Variants in RUNX1 observed in about 807,000 individuals in gnomAD.
RUNX1 encodes runt-related transcription factor 1.
Under a neutral mutation model 42.8 loss-of-function variants are expected in RUNX1, and 19 were observed. That is an observed-to-expected ratio of 0.44 (90% CI 0.31 to 0.65). RUNX1 has a LOEUF of 0.65. Ranked by LOEUF, RUNX1 falls within the 30% of genes least tolerant of loss-of-function variation. RUNX1 has a pLI of 0.07. For missense variants in RUNX1, 528 were observed against 672.0 expected (o/e 0.79, Z 2.37); for synonymous variants, 271 against 289.4 (o/e 0.94, Z 0.64).
chr21:34,928,666 T>G (rs7282509), intron 2 of RUNX1, among the ~76,000 whole-genome samples: 1 of 149,752 alleles, frequency 6.7e-6, no homozygotes, highest in East Asian at 2.0e-4. Flanking sequence ...GGCGACAGAG[T>G]GCGACTCCAT....
At chr21:34,969,940 A>T (rs2058750571) in intron 2 of RUNX1, among the ~76,000 whole-genome samples, 1 of 152,200 alleles carries the variant, frequency 6.6e-6, no homozygotes, top group Admixed American at 6.5e-5. Flanking sequence ...TATGGATCAT[A>T]TCTGTTCTGG....
chr21:34,832,928 C>T (rs1409277588), intron 7 of RUNX1: 1 of 152,130 alleles, frequency 6.6e-6, no homozygotes, highest in African/African-American at 2.4e-5. Flanking sequence ...AGGGTTACTC[C>T]ACAGACAGGC....
intron 2 of RUNX1, among the ~76,000 whole-genome samples, chr21:34,951,190 C>T (rs547564590): frequency 6.6e-6 from 1 of 152,156 alleles, no homozygotes; most frequent in South Asian, 2.1e-4. Context: ...TGAAGCCACA[C>T]CATAATGTGT....
At chr21:34,983,732 A>T (rs1241955064) in intron 2 of RUNX1, among the ~76,000 whole-genome samples, 1 of 152,142 alleles carries the variant, frequency 6.6e-6, no homozygotes, top group Non-Finnish European at 1.5e-5. Flanking sequence ...TGGGGGGAAA[A>T]TGGTTTGAGA....
At chr21:35,010,608 C>T (rs192985541) in intron 2 of RUNX1, among the ~76,000 whole-genome samples, 10 of 149,936 alleles carry the variant, frequency 6.7e-5, no homozygotes, top group African/African-American at 2.0e-4. Context: ...GTCACACTAC[C>T]GTGAGTACAC....
chr21:34,904,769 T>C (rs2058204479), intron 2 of RUNX1, among the ~76,000 whole-genome samples: 1 of 152,254 alleles, frequency 6.6e-6, no homozygotes. Context: ...ATGTGGACTT[T>C]AAGATTGTTT....
chr21:34,950,676 C>A (rs779193864), intron 2 of RUNX1, among the ~76,000 whole-genome samples: 22 of 152,208 alleles, frequency 1.4e-4, no homozygotes, highest in Non-Finnish European at 2.9e-4. Context: ...GTGGAGGTTG[C>A]AGTGATCTGA....
intron 2 of RUNX1, among the ~76,000 whole-genome samples, chr21:34,948,806 C>T (rs774670997): frequency 2.6e-5 from 4 of 151,960 alleles, no homozygotes; most frequent in South Asian, 2.1e-4. Flanking sequence ...AGTGCAGTGG[C>T]GCGGTCTCAG....
chr21:34,969,303 G>A (rs2058743137), intron 2 of RUNX1, among the ~76,000 whole-genome samples: 1 of 152,080 alleles, frequency 6.6e-6, no homozygotes, highest in Non-Finnish European at 1.5e-5. Context: ...AGGTGGAGGT[G>A]ACTGGGGACC....
Position 34,791,253 on chromosome 21 carries a change from C to T in RUNX1, c.*882G>A. 4.3e-6 allele frequency: 1 copy of T among 232,884 alleles called. No individual in the cohort carries two copies. Among genetic ancestry groups the T allele is most frequent in the South Asian group, 1.8e-4 (1 of 5,522 alleles). 14.4% of individuals were successfully genotyped at this position (232,884 alleles called of 1,614,324 possible). ...GCCTTCTTCAATGTGATACATTTAA[C>T]TTTGGCTACTATCAAGAACAAAAGA... On this transcript the variant is annotated 3_prime_UTR_variant, in exon 9 of 9. Transcript: ENST00000675419.
At chr21:35,006,322 C>T (rs1394118363) in intron 2 of RUNX1, among the ~76,000 whole-genome samples, 1 of 152,164 alleles carries the variant, frequency 6.6e-6, no homozygotes, top group Non-Finnish European at 1.5e-5. Flanking sequence ...CTCAAGGAGG[C>T]AAACTGAACT....
intron 2 of RUNX1, among the ~76,000 whole-genome samples, chr21:34,931,734 T>C (rs2058448963): frequency 6.6e-6 from 1 of 151,188 alleles, no homozygotes; most frequent in African/African-American, 2.4e-5. Flanking sequence ...TGTGATCAAT[T>C]ATTGATGTCT....
intron 2 of RUNX1, among the ~76,000 whole-genome samples, chr21:35,006,597 C>T (rs1208344437): frequency 6.6e-6 from 1 of 152,156 alleles, no homozygotes; most frequent in Non-Finnish European, 1.5e-5. Context: ...AGCAATAATA[C>T]CAGTATCCTG....
At chr21:34,937,476 T>C (rs1257341771) in intron 2 of RUNX1, among the ~76,000 whole-genome samples, 2 of 152,104 alleles carry the variant, frequency 1.3e-5, no homozygotes, top group Admixed American at 1.3e-4. Context: ...ATCTCCTTTG[T>C]AAGATACAAC....
intron 2 of RUNX1, among the ~76,000 whole-genome samples, chr21:34,937,434 A>G (rs1402784997): frequency 6.6e-6 from 1 of 151,874 alleles, no homozygotes; most frequent in Non-Finnish European, 1.5e-5. Context: ...TAATCGATGA[A>G]GTTTTCTTTT....
intron 3 of RUNX1, among the ~76,000 whole-genome samples, chr21:34,889,052 G>C (rs990353824): frequency 6.6e-6 from 1 of 151,348 alleles, no homozygotes; most frequent in Non-Finnish European, 1.5e-5. Flanking sequence ...AGCAGGCCCC[G>C]CCGGCCCGAG....
chr21:34,923,255 C>A (rs2058367713), intron 2 of RUNX1, among the ~76,000 whole-genome samples: 1 of 152,220 alleles, frequency 6.6e-6, no homozygotes, highest in African/African-American at 2.4e-5. Flanking sequence ...GATTCCCTTT[C>A]ATCTTGTGCA....
chr21:34,951,299 T>C (rs1013411589), intron 2 of RUNX1, among the ~76,000 whole-genome samples: 5 of 152,256 alleles, frequency 3.3e-5, no homozygotes, highest in African/African-American at 7.2e-5. Flanking sequence ...TGTGTCATTC[T>C]AAAAAACTAT....
chr21:34,938,309 A>G (rs1326782388), intron 2 of RUNX1, among the ~76,000 whole-genome samples: 1 of 152,130 alleles, frequency 6.6e-6, no homozygotes, highest in Non-Finnish European at 1.5e-5. Flanking sequence ...CCTCCTCAGA[A>G]CTTAATATTT....
Sources: allele counts gnomAD v4.1 joint callset (sites outside exome capture counted in the v4.1 genomes callset), GRCh38; gene constraint gnomAD v4.1.1; transcripts MANE v1.5; gene names NCBI Gene and HGNC (gene_info 2026-07-23, HGNC 2026-07-21).